Variants in ITGA9 observed in about 807,000 individuals in gnomAD.
ITGA9 encodes integrin subunit alpha 9.
Under a neutral mutation model 127.8 loss-of-function variants are expected in ITGA9, and 56 were observed. The observed-to-expected ratio is 0.44, with a 90% CI of 0.35 to 0.55. ITGA9 has a LOEUF of 0.55. Ranked by LOEUF, ITGA9 falls within the 20% of genes least tolerant of loss-of-function variation. The probability of loss-of-function intolerance (pLI) is 0.00; values close to 1 mark genes in which losing one functional copy is unlikely to be tolerated. For synonymous variants in ITGA9, 508 were observed against 514.5 expected (o/e 0.99, Z 0.17); for missense variants, 1,196 against 1,347.1 (o/e 0.89, Z 1.76).
chr3:37,683,793 A>G (rs1014161483), intron 17 of ITGA9, 72 bp from the exon 18 acceptor site: 1 of 1,519,900 alleles, frequency 6.6e-7, no homozygotes, highest in South Asian at 1.1e-5. Context: ...CCCACCTTCA[A>G]CTACCCCCTG....
chr3:37,809,758 A>G (rs1385370729), intron 27 of ITGA9, among the ~76,000 whole-genome samples: 1 of 152,248 alleles, frequency 6.6e-6, no homozygotes, highest in African/African-American at 2.4e-5. Flanking sequence ...AACTTCAACT[A>G]CAGACCTCTT....
intron 16 of ITGA9, among the ~76,000 whole-genome samples, chr3:37,650,262 A>G (rs1700417105): frequency 6.6e-6 from 1 of 152,210 alleles, no homozygotes; most frequent in Non-Finnish European, 1.5e-5. Context: ...CCCAGATTCC[A>G]GGTAAGGGAG....
rs190377929 is a variant in ITGA9, at chr3:37,594,751, C to T, written c.1690-34436C>T. Among the ~76,000 whole-genome samples, 438 of 152,312 alleles carry T rather than the reference C, an allele frequency of 2.9e-3. 1 individual carries two copies. Among genetic ancestry groups the T allele is most frequent in the African/African-American group, 9.7e-3 (403 of 41,554 alleles). On this transcript the variant is annotated intron_variant, in intron 15 of 27. Transcript: ENST00000264741. ...AACGCTTAATAGAGTACTTACAACA[C>T]TTCACTTAATAAGTGCCATATGGTG...
chr3:37,504,188 G>A (rs1181892207), intron 6 of ITGA9, among the ~76,000 whole-genome samples: 2 of 152,204 alleles, frequency 1.3e-5, no homozygotes, highest in South Asian at 2.1e-4. Context: ...TTCTACTCTG[G>A]GGTGTTTGCT....
chr3:37,503,578 C>T (rs747944682), intron 6 of ITGA9, among the ~76,000 whole-genome samples: 27 of 152,156 alleles, frequency 1.8e-4, no homozygotes, highest in Non-Finnish European at 4.0e-4. Context: ...ATTTTATTTT[C>T]TCATTTTATC....
intron 26 of ITGA9, chr3:37,790,151 G>C: frequency 5.3e-6 from 3 of 566,326 alleles, no homozygotes; most frequent in Non-Finnish European, 1.0e-5. Flanking sequence ...TCAAAGTGAT[G>C]ACCTTTCAGC....
chr3:37,527,954 T>A, intron 13 of ITGA9, among the ~76,000 whole-genome samples: 1 of 151,992 alleles, frequency 6.6e-6, no homozygotes, highest in Non-Finnish European at 1.5e-5. Flanking sequence ...CCTGGCTAAT[T>A]TTTTAATATT....
intron 15 of ITGA9, among the ~76,000 whole-genome samples, chr3:37,623,340 C>A (rs970971664): frequency 2.0e-5 from 3 of 152,334 alleles, no homozygotes; most frequent in Admixed American, 1.3e-4. Flanking sequence ...TAGCCCTGAG[C>A]TCTTAAGTTT....
chr3:37,496,028 G>C (rs1698724350), intron 5 of ITGA9, among the ~76,000 whole-genome samples: 1 of 152,158 alleles, frequency 6.6e-6, no homozygotes, highest in African/African-American at 2.4e-5. Context: ...AAGGGCATGG[G>C]ACATGGGGGG....
At chr3:37,508,696 T>C (rs1416851922) in intron 8 of ITGA9, 69 bp downstream of exon 8, 4 of 1,386,460 alleles carry the variant, frequency 2.9e-6, no homozygotes, top group Non-Finnish European at 4.1e-6. Context: ...CAGTACTTTT[T>C]AGAAAATTGG....
In ITGA9 at chr3:37,452,284, C is replaced by T; in HGVS notation, c.-91C>T. The T allele has an allele frequency of 1.4e-6, 1 of 706,266 alleles. No homozygotes were observed. Among genetic ancestry groups the T allele is most frequent in the South Asian group, 6.3e-5 (1 of 15,864 alleles). The allele number at this position is 706,266 out of a possible 1,614,324, so 43.7% of individuals were successfully genotyped here. On this transcript the variant is annotated 5_prime_UTR_variant, in exon 1 of 28. Transcript: ENST00000264741. This position sits in a 1 kb window ranked among gnomAD's most constrained non-coding sequence, Gnocchi z 7.3. ...GTGTCCAGGCGCAGAGCTCCCGCCC[C>T]GGGGAGCTTCCTGGCCGTCGGCGGG...
rs1358637914 is a variant in ITGA9 at position 37,820,318 on chromosome 3, TA to T, written c.*1332del. 13 of 152,260 alleles carry T rather than the reference TA, an allele frequency of 8.5e-5. No individual in the cohort carries two copies. The highest frequency in any genetic ancestry group is 3.1e-4 in the African/African-American group (13 of 41,446). 9.4% of individuals were successfully genotyped at this position (152,260 alleles called of 1,614,324 possible). A position where few individuals can be genotyped will look rare whatever the true frequency, so the allele number is the denominator to read the frequency against. ...GGGCTGGCTGCACCCAGAGGAGATGTAAACGTTTTATTCTCAATTCCTGCTG... is the reference window on the plus strand; with the variant it reads ...GGGCTGGCTGCACCCAGAGGAGATGTAACGTTTTATTCTCAATTCCTGCTG... On this transcript the variant is annotated 3_prime_UTR_variant, in exon 28 of 28. Coordinates refer to ENST00000264741, the MANE Select transcript of ITGA9 (RefSeq NM_002207.3).
intron 26 of ITGA9, among the ~76,000 whole-genome samples, chr3:37,785,590 T>G (rs1254521023): frequency 3.3e-5 from 5 of 152,074 alleles, no homozygotes; most frequent in Non-Finnish European, 2.9e-5. Context: ...CCTCTCACCT[T>G]AGCCTCCAGA....
In ITGA9 at chr3:37,688,126, A is replaced by G. The variant is rs188413073; in HGVS notation, c.2067+4111A>G. 2.5e-3 allele frequency among the ~76,000 whole-genome samples: 375 copies of G among 152,256 alleles called. 1 individual carries two copies. Among genetic ancestry groups the G allele is most frequent in the Non-Finnish European group, 3.8e-3 (258 of 68,030 alleles). ...TCCAGCCTTCTCTAAGTAGGTCCAC[A>G]CTGCCTGGGGCCAGGAAGCAACTCA... On this transcript the variant is annotated intron_variant, in intron 18 of 27. Transcript: ENST00000264741.
chr3:37,741,587 G>C, intron 20 of ITGA9, 143 bp from the exon 21 acceptor site: 1 of 712,340 alleles, frequency 1.4e-6, no homozygotes, highest in Non-Finnish European at 2.6e-6. Context: ...GATATGTACA[G>C]GGACCAAAAA....
intron 15 of ITGA9, among the ~76,000 whole-genome samples, chr3:37,591,878 A>G (rs1699824097): frequency 6.6e-6 from 1 of 152,206 alleles, no homozygotes; most frequent in East Asian, 1.9e-4. Context: ...CTGGGTCTGC[A>G]TGGAATTACT....
chr3:37,498,673 C>T (rs1453174368), intron 5 of ITGA9, among the ~76,000 whole-genome samples: 6 of 152,066 alleles, frequency 3.9e-5, no homozygotes, highest in Admixed American at 6.5e-5. Flanking sequence ...ACAGAGTGTC[C>T]GGGGAGGGTG....
At position 37,565,189 on chromosome 3, in the gene ITGA9, G is replaced by A. The variant is rs2555238; in HGVS notation, c.1689+22604G>A. On this transcript the variant is annotated intron_variant, in intron 15 of 27. Coordinates refer to ENST00000264741, the MANE Select transcript of ITGA9 (RefSeq NM_002207.3). ...ATTAATGGAGCTCATTTACCTGAAC[G>A]CCCCAGAGGGTGCTTAGCAAATACT... is the stretch of plus-strand genomic sequence containing the variant. Among the ~76,000 whole-genome samples the A allele has an allele frequency of 6.6e-5, 10 of 152,284 alleles. No homozygotes were observed. In the South Asian group the frequency reaches 2.1e-3, roughly 32 times the overall value.
At chr3:37,461,667 C>T (rs1398248972) in intron 1 of ITGA9, among the ~76,000 whole-genome samples, 1 of 152,228 alleles carries the variant, frequency 6.6e-6, no homozygotes, top group Non-Finnish European at 1.5e-5. Context: ...AACATAGACA[C>T]ACTCTTCATT....
Sources: allele counts gnomAD v4.1 joint callset (sites outside exome capture counted in the v4.1 genomes callset), GRCh38; gene constraint gnomAD v4.1.1; non-coding constraint Gnocchi (gnomAD v3.1); transcripts MANE v1.5; gene names NCBI Gene and HGNC (gene_info 2026-07-23, HGNC 2026-07-21).